PRC1: variants seen among roughly 807,000 people sequenced by gnomAD.
PRC1 encodes the protein anaphase spindle elongation 1 homolog.
In PRC1, 54 loss-of-function variants were observed where a neutral mutation model predicts 91.2. That is an observed-to-expected ratio of 0.59 (90% CI 0.48 to 0.74). The LOEUF is 0.74. PRC1 is among the 30% of genes least tolerant of loss of function. PRC1 has a pLI of 0.00. For missense variants in PRC1, 727 were observed against 746.2 expected (o/e 0.97, Z 0.30); for synonymous variants, 275 against 263.6 (o/e 1.04, Z -0.42).
In PRC1 at chr15:90,974,782, G is replaced by A; in HGVS notation, c.1204-51C>T. 1 of 1,599,480 alleles carries A rather than the reference G, an allele frequency of 6.3e-7. No homozygotes were observed. Among genetic ancestry groups the A allele is most frequent in the Non-Finnish European group, 8.6e-7 (1 of 1,167,924 alleles). On this transcript the variant is annotated intron_variant, in intron 9 of 14. Transcript: ENST00000394249. This position sits in a 1 kb window ranked among gnomAD's most constrained non-coding sequence, Gnocchi z 4.6. ...AATTACTTCAACTCTTTAGTGCAAA[G>A]CCCAAATGAAATGATTTCCCTAGAG...
At chr15:90,969,171 C>T (rs770351947) in intron 13 of PRC1, 51 bp from the exon 14 acceptor site, 27 of 1,562,404 alleles carry the variant, frequency 1.7e-5, no homozygotes, top group Middle Eastern at 3.3e-4. Context: ...AAGAGAGCAC[C>T]AGGACAGTGA....
chr15:90,968,860 T>G (rs2037785666), intron 14 of PRC1: 1 of 1,363,680 alleles, frequency 7.3e-7, no homozygotes, highest in Non-Finnish European at 9.5e-7. Context: ...GTGCCTGACT[T>G]TAGGGGCTGA....
chr15:90,971,476 G>A (rs772611242), intron 11 of PRC1, among the ~76,000 whole-genome samples: 51 of 152,024 alleles, frequency 3.4e-4, no homozygotes, highest in Non-Finnish European at 6.5e-4. Context: ...AGTAGAGATG[G>A]GGCTTCAACA....
At chr15:90,967,514 C>T in intron 14 of PRC1, 1 of 303,264 alleles carries the variant, frequency 3.3e-6, no homozygotes, top group Non-Finnish European at 6.2e-6. Flanking sequence ...TAACGACAGG[C>T]CACATACACT....
At position 90,979,043 on chromosome 15, in the gene PRC1, G is replaced by C. The variant is rs1007101332; in HGVS notation, c.1107+115C>G. ...GAGGCGGTCAGCAGAAATTCAGAGA[G>C]ACTTAATGATAAAGATGGGGTATCA... On this transcript the variant is annotated intron_variant, in intron 8 of 14. Transcript: ENST00000394249. The C allele has an allele frequency of 4.7e-6, 6 of 1,284,470 alleles. No homozygotes were observed. The African/African-American group carries it at 9.0e-5, about 19-fold the overall frequency. 79.6% of individuals were successfully genotyped at this position (1,284,470 alleles called of 1,614,324 possible).
chr15:90,976,812 C>T (rs1445011172), intron 8 of PRC1, 41 bp from the exon 9 acceptor site: 1 of 1,489,940 alleles, frequency 6.7e-7, no homozygotes. Context: ...AACCTGGCAC[C>T]ATGAGACCAA....
Position 90,994,455 on chromosome 15 carries a change from C to T in PRC1, c.-38G>A. The T allele has an allele frequency of 6.2e-7, 1 of 1,607,024 alleles. No homozygotes were observed. Among genetic ancestry groups the T allele is most frequent in the Non-Finnish European group, 8.5e-7 (1 of 1,176,742 alleles). On this transcript the variant is annotated 5_prime_UTR_variant, in exon 1 of 15. Transcript: ENST00000394249. ...AAGCAGCCGTGAGTCCAGGTCCAGA[C>T]CTACTCCACACGGCCCCGAGAGCAA...
intron 11 of PRC1, among the ~76,000 whole-genome samples, chr15:90,971,811 T>C (rs982519453): frequency 9.2e-5 from 14 of 151,898 alleles, no homozygotes; most frequent in African/African-American, 3.4e-4. Context: ...GCAGATCTTC[T>C]GAGGTCAAGA....
In PRC1 at chr15:90,968,808, T is replaced by C. The variant is rs528145226; in HGVS notation, c.1791+271A>G. ...CTATTGCAGGCCTTTGATGTCACAA[T>C]TGGGGAGGGTCAAGGTTTTCTGTTA... On this transcript the variant is annotated intron_variant, in intron 14 of 14. Coordinates refer to ENST00000394249, the MANE Select transcript of PRC1 (RefSeq NM_003981.4). 109 of 1,257,048 alleles carry C rather than the reference T, an allele frequency of 8.7e-5. 1 individual carries two copies. In the South Asian group the frequency reaches 1.5e-3, roughly 17 times the overall value. The allele number at this position is 1,257,048 out of a possible 1,614,324, so 77.9% of individuals were successfully genotyped here. A position where few individuals can be genotyped will look rare whatever the true frequency, so the allele number is the denominator to read the frequency against.
At chr15:90,971,457 TG>T (rs2038120475) in intron 11 of PRC1, among the ~76,000 whole-genome samples, 1 of 152,134 alleles carries the variant, frequency 6.6e-6, no homozygotes, top group African/African-American at 2.4e-5. Context: ...AGCTAATTTT[TG>T]TATTTGTAGT....
chr15:90,968,501 G>C (rs935417180), intron 14 of PRC1: 2 of 986,692 alleles, frequency 2.0e-6, no homozygotes, highest in African/African-American at 1.7e-5. Context: ...GTGTAGTTAG[G>C]TGTTAGCAAA....
intron 12 of PRC1, 138 bp from the exon 13 acceptor site, chr15:90,969,761 A>AAATATAT (rs1468521171): frequency 3.5e-5 from 5 of 144,052 alleles, no homozygotes; most frequent in Non-Finnish European, 6.9e-5. Flanking sequence ...TTAAAAAAAA[A>AAATATAT]ACATATATAT....
At chr15:90,980,109 G>T in intron 7 of PRC1, 133 bp downstream of exon 7, 1 of 1,113,186 alleles carries the variant, frequency 9.0e-7, no homozygotes, top group Non-Finnish European at 1.2e-6. Flanking sequence ...CTTTTGGCTG[G>T]GTGTGGTGGC....
chr15:90,973,001 G>C (rs569636728), intron 11 of PRC1: 2 of 152,236 alleles, frequency 1.3e-5, no homozygotes, highest in Non-Finnish European at 2.9e-5. Flanking sequence ...TGGCCACTCC[G>C]TGACTGTCAC....
At chr15:90,977,452 C>G (rs933925223) in intron 8 of PRC1, 26 of 152,052 alleles carry the variant, frequency 1.7e-4, no homozygotes, top group African/African-American at 6.0e-4. Context: ...AATTGTTTCC[C>G]TTCCATACTG....
At chr15:90,971,486 A>G (rs886879512) in intron 11 of PRC1, among the ~76,000 whole-genome samples, 1 of 151,556 alleles carries the variant, frequency 6.6e-6, no homozygotes, top group South Asian at 2.1e-4. Flanking sequence ...GGGCTTCAAC[A>G]TGTTTCCTAG....
At chr15:90,970,293 C>A in intron 12 of PRC1, 111 bp downstream of exon 12, 1 of 803,522 alleles carries the variant, frequency 1.2e-6, no homozygotes, top group Non-Finnish European at 2.1e-6. Flanking sequence ...CTCAGCATCT[C>A]AATAAGAACC....
Position 90,994,533 on chromosome 15 carries a change from G to T in PRC1, c.-116C>A. 2 of 1,421,100 alleles carry T rather than the reference G, an allele frequency of 1.4e-6. No homozygotes were observed. Among genetic ancestry groups the T allele is most frequent in the Non-Finnish European group, 1.9e-6 (2 of 1,052,118 alleles). 88.0% of individuals were successfully genotyped at this position (1,421,100 alleles called of 1,614,324 possible). A position where few individuals can be genotyped will look rare whatever the true frequency, so the allele number is the denominator to read the frequency against. On this transcript the variant is annotated 5_prime_UTR_variant, in exon 1 of 15. Transcript: ENST00000394249. ...ACTCCGCGTAGCCGCTCCGCGAGCC[G>T]TTGAGCCCCGCAAAATTTCAAACCG...
At chr15:90,992,157 G>C (rs1010864141) in intron 1 of PRC1, among the ~76,000 whole-genome samples, 8 of 152,034 alleles carry the variant, frequency 5.3e-5, no homozygotes, top group African/African-American at 1.9e-4. Flanking sequence ...CCTTCTCAGG[G>C]AGGCCTTTCC....
Sources: gnomAD v4.1 joint callset for allele counts (sites outside exome capture counted in the v4.1 genomes callset) on GRCh38, gnomAD v4.1.1 for gene constraint, Gnocchi (gnomAD v3.1) non-coding constraint, MANE v1.5 for transcripts, NCBI Gene and HGNC (gene_info 2026-07-23, HGNC 2026-07-21) for gene names.